BCOR: variants seen among roughly 807,000 people sequenced by gnomAD.
BCOR encodes BCL6 corepressor.
A neutral mutation model predicts 86.7 loss-of-function variants in BCOR; 10 were observed. The ratio of observed to expected loss-of-function variants is 0.12; its 90% confidence interval spans 0.07 to 0.20. The LOEUF is 0.20. Ranked by LOEUF, BCOR falls within the 10% of genes least tolerant of loss-of-function variation. The probability of loss-of-function intolerance (pLI) is 1.00; values close to 1 mark genes in which losing one functional copy is unlikely to be tolerated. For synonymous variants in BCOR, 611 were observed against 609.0 expected (o/e 1.00, Z -0.05); for missense variants, 1,259 against 1,452.1 (o/e 0.87, Z 2.16).
chrX:40,177,147 AG>A (rs1938780240), exon 1 of BCOR: 1 of 110,356 alleles, frequency 9.1e-6, no homozygotes, highest in Non-Finnish European at 1.9e-5. Flanking sequence ...AGATCGAAAG[AG>A]CCACTTCACG....
At chrX:40,083,314 C>A (rs903100940) in intron 1 of BCOR, among the ~76,000 whole-genome samples, 1 of 111,020 alleles carries the variant, frequency 9.0e-6, no homozygotes, top group Admixed American at 9.4e-5. Flanking sequence ...GACCCCCTCC[C>A]CCGAGAGAGT....
intron 1 of BCOR, among the ~76,000 whole-genome samples, chrX:40,132,578 C>T (rs1937613940): frequency 8.9e-6 from 1 of 111,863 alleles, no homozygotes; most frequent in Admixed American, 9.5e-5. Flanking sequence ...CAAACCCGGC[C>T]AAAGAGTTGT....
At chrX:40,075,636 G>A (rs187919903) in intron 3 of BCOR, among the ~76,000 whole-genome samples, 2 of 111,177 alleles carry the variant, frequency 1.8e-5, no homozygotes, top group African/African-American at 6.5e-5. Flanking sequence ...GTGTGCACCT[G>A]TAGTCCCAGC....
At chrX:40,098,567 A>G (rs1228716667), upstream of BCOR, among the ~76,000 whole-genome samples, 1 of 110,242 alleles carries the variant, frequency 9.1e-6, no homozygotes, top group Non-Finnish European at 1.9e-5. Context: ...AGCGCCTCGC[A>G]CTCCGCTCAG....
intron 1 of BCOR, among the ~76,000 whole-genome samples, chrX:40,122,333 C>T (rs928810078): frequency 1.7e-4 from 19 of 111,160 alleles, no homozygotes; most frequent in Non-Finnish European, 3.0e-4. Context: ...CCTGGGCCTA[C>T]CTGACTTTCT....
chrX:40,156,895 C>T, intron 1 of BCOR, among the ~76,000 whole-genome samples: 1 of 113,948 alleles, frequency 8.8e-6, no homozygotes, highest in South Asian at 3.5e-4. Context: ...GGCCAGCCGC[C>T]TGTCGTGCCG....
chrX:40,110,451 C>A (rs994805302), intron 1 of BCOR, among the ~76,000 whole-genome samples: 1 of 108,813 alleles, frequency 9.2e-6, no homozygotes, highest in African/African-American at 3.3e-5. Flanking sequence ...CCAGGGCATG[C>A]GTGTCATTGA....
chrX:40,167,675 C>T (rs1271822846), intron 1 of BCOR, among the ~76,000 whole-genome samples: 1 of 112,098 alleles, frequency 8.9e-6, no homozygotes, highest in African/African-American at 3.2e-5. Flanking sequence ...GCCTCGCAGG[C>T]GCGCACGGAC....
rs776870993 is a variant in BCOR at position 40,074,287 on chromosome X, G to A, written c.1059C>T (p.Thr353=). Residue 353 remains threonine, a synonymous_variant, in exon 4 of 15, where the codon ACC becomes ACT. Transcript: ENST00000378444. ...VHLPTQPAAD[T]YSEFHKHYAR... is the part of the protein sequence containing the mutation. ...CATAGTGCTTGTGGAACTCCGAGTA[G>A]GTGTCTGCAGCAGGCTGGGTGGGAA... is the stretch of plus-strand genomic sequence containing the variant. 3 of 1,210,795 alleles carry A rather than the reference G, an allele frequency of 2.5e-6. No homozygotes were observed. Among genetic ancestry groups the A allele is most frequent in the African/African-American group, 3.5e-5 (2 of 57,416 alleles).
chrX:40,062,400 T>C lies in BCOR; in HGVS notation c.4174-7A>G. The C allele has an allele frequency of 8.3e-7, 1 of 1,201,274 alleles. No homozygotes were observed. The highest frequency in any genetic ancestry group is 1.1e-6 in the Non-Finnish European group (1 of 890,648). The stretch of plus-strand genomic sequence containing the variant: ...TGAATCTCCGGACAGTCACCTATCA[T>C]AAAACCAAGCAGCGCACACGGTTAA... On this transcript the variant is annotated splice_polypyrimidine_tract_variant and splice_region_variant and intron_variant, in intron 9 of 14. Coordinates refer to ENST00000378444, the MANE Select transcript of BCOR (RefSeq NM_001123385.2).
intron 1 of BCOR, among the ~76,000 whole-genome samples, chrX:40,152,832 G>C (rs1391456290): frequency 8.9e-6 from 1 of 112,896 alleles, no homozygotes; most frequent in Non-Finnish European, 1.9e-5. Context: ...ACTTCTTTTT[G>C]AATCTCGGGA....
In BCOR at chrX:40,158,273, G is replaced by A. The variant is rs749036237; in HGVS notation, c.-41+18734C>T. Among the ~76,000 whole-genome samples the A allele has an allele frequency of 4.3e-4, 48 of 112,509 alleles. No individual in the cohort carries two copies. The South Asian group carries it at 7.1e-3, about 17-fold the overall frequency. On this transcript the variant is annotated intron_variant, in intron 1 of 14. Coordinates refer to the BCOR transcript ENST00000342274. ...CGCGCCCTGGGACAGCGCGCGCCCC[G>A]GCTGACACGGGGCTGTCGCCGCTTC...
chrX:40,152,498 G>T (rs1332533203), intron 1 of BCOR, among the ~76,000 whole-genome samples: 2 of 113,238 alleles, frequency 1.8e-5, no homozygotes, highest in Admixed American at 9.2e-5. Context: ...CTGTCAAGCG[G>T]CGGCGGGTGA....
At chrX:40,116,325 G>A (rs746542787) in intron 1 of BCOR, among the ~76,000 whole-genome samples, 7 of 110,318 alleles carry the variant, frequency 6.3e-5, no homozygotes, top group South Asian at 4.0e-4. Context: ...GTGAAACCCC[G>A]TCTCTACTAA....
chrX:40,125,137 G>A (rs1937524399), intron 1 of BCOR, among the ~76,000 whole-genome samples: 1 of 111,157 alleles, frequency 9.0e-6, no homozygotes, highest in African/African-American at 3.3e-5. Flanking sequence ...TGGGAAGAGA[G>A]GTGGCAAAGG....
intron 1 of BCOR, among the ~76,000 whole-genome samples, 183 bp downstream of exon 1, chrX:40,097,032 A>G (rs749783207): frequency 8.9e-6 from 1 of 112,957 alleles, no homozygotes; most frequent in Non-Finnish European, 1.9e-5. Flanking sequence ...TGCATTTTAA[A>G]TAACATAGCT....
chrX:40,062,033 G>T, intron 10 of BCOR, 106 bp downstream of exon 10: 3 of 1,013,629 alleles, frequency 3.0e-6, no homozygotes, highest in Non-Finnish European at 2.7e-6. Flanking sequence ...CAGCCCCGAT[G>T]TGGAGGGGGC....
At chrX:40,142,083 G>A (rs1398374724) in intron 1 of BCOR, among the ~76,000 whole-genome samples, 1 of 112,335 alleles carries the variant, frequency 8.9e-6, no homozygotes, top group African/African-American at 3.2e-5. Context: ...TCATAGTGCT[G>A]GTAGCCCCCT....
Position 40,062,325 on chromosome X carries a change from C to T in BCOR, c.4242G>A (p.Gln1414=), listed in dbSNP as rs1472403818. Residue 1414 remains glutamine, a synonymous_variant, in exon 10 of 15, where the codon CAG becomes CAA. Coordinates refer to ENST00000378444, the MANE Select transcript of BCOR (RefSeq NM_001123385.2). ...SSDYDLSPAK[Q]EPKPFDRLQQ... Reference sequence around the variant, plus strand: ...GCAAGCGGTCGAAGGGCTTTGGCTCCTGCTTGGCTGGTGACAGATCATAGT... The same window carrying T: ...GCAAGCGGTCGAAGGGCTTTGGCTCTTGCTTGGCTGGTGACAGATCATAGT... The T allele has an allele frequency of 2.5e-6, 3 of 1,205,980 alleles. No homozygotes were observed. The highest frequency in any genetic ancestry group is 3.4e-6 in the Non-Finnish European group (3 of 893,589).
Sources: gnomAD v4.1 joint callset for allele counts (sites outside exome capture counted in the v4.1 genomes callset) on GRCh38, gnomAD v4.1.1 for gene constraint, MANE v1.5 for transcripts, NCBI Gene and HGNC (gene_info 2026-07-23, HGNC 2026-07-21) for gene names.